ACYP1: variants seen among roughly 807,000 people sequenced by gnomAD.
ACYP1 encodes the protein acylphosphatase 1.
In ACYP1, 8 loss-of-function variants were observed where a neutral mutation model predicts 10.4. The ratio of observed to expected loss-of-function variants is 0.77; its 90% confidence interval spans 0.45 to 1.38. The LOEUF is 1.38. Among genes scored for constraint, ACYP1 ranks in the 40% most tolerant of loss-of-function variants. The probability of loss-of-function intolerance (pLI) is 0.00; values close to 1 mark genes in which losing one functional copy is unlikely to be tolerated. For synonymous variants in ACYP1, 38 were observed against 40.8 expected (o/e 0.93, Z 0.26); for missense variants, 93 against 117.3 (o/e 0.79, Z 0.96).
intron 2 of ACYP1, among the ~76,000 whole-genome samples, chr14:75,061,032 A>ACT (rs2139654981): frequency 6.6e-6 from 1 of 152,242 alleles, no homozygotes; most frequent in South Asian, 2.1e-4. Flanking sequence ...ACGCCACTGC[A>ACT]CTCCAGCCTG....
At chr14:75,068,163 C>T (rs928651382), upstream of ACYP1, among the ~76,000 whole-genome samples, 3 of 151,786 alleles carry the variant, frequency 2.0e-5, no homozygotes, top group Non-Finnish European at 2.9e-5. Flanking sequence ...TAGTGGCAGA[C>T]GCCTGTAATC....
chr14:75,064,891 A>G (rs552258826), upstream of ACYP1, among the ~76,000 whole-genome samples: 13 of 152,324 alleles, frequency 8.5e-5, no homozygotes, highest in Middle Eastern at 3.4e-3. Context: ...GGAGGTCCCA[A>G]TGGAGGTTAT....
upstream of ACYP1, among the ~76,000 whole-genome samples, chr14:75,065,016 A>C (rs1893118989): frequency 6.6e-6 from 1 of 152,234 alleles, no homozygotes; most frequent in African/African-American, 2.4e-5. Context: ...GCACAAGCAA[A>C]ATAACTCATG....
rs1362554012 is a variant in ACYP1 at position 75,069,230 on chromosome 14, C to A, written c.62G>T (p.Gly21Val). ...CATACCTGGGGCCCGCCCAGCGCAG[C>A]CGAGCGCGCGGAGAAAGGCCAGCAG... The change falls in exon 1 of 3, where the codon GGC becomes GTC. Residue 21 changes from glycine to valine, a missense_variant. Gly to Val is a moderately radical substitution (Grantham distance 109). Transcript: ENST00000555463. 7 of 1,504,058 alleles carry A rather than the reference C, an allele frequency of 4.7e-6. No homozygotes were observed. The African/African-American group carries it at 7.2e-5, about 16-fold the overall frequency. 93.2% of individuals were successfully genotyped at this position (1,504,058 alleles called of 1,614,324 possible). A position where few individuals can be genotyped will look rare whatever the true frequency, so the allele number is the denominator to read the frequency against.
intron 2 of ACYP1, chr14:75,060,021 T>C (rs1892979049): frequency 5.4e-6 from 2 of 368,248 alleles, no homozygotes; most frequent in South Asian, 8.6e-5. Context: ...TGAAAAGCGT[T>C]CTGTAGATAA....
chr14:75,069,256 C>T (rs1043160342), exon 1 of ACYP1: 2 of 1,477,290 alleles, frequency 1.4e-6, no homozygotes, highest in East Asian at 5.5e-5. Context: ...AGGCCAGCAG[C>T]AGCCCCGCTC....
chr14:75,062,674 AAAAAAAAG>A (rs1893056625), intron 2 of ACYP1, among the ~76,000 whole-genome samples: 1 of 151,682 alleles, frequency 6.6e-6, no homozygotes, highest in Non-Finnish European at 1.5e-5. Flanking sequence ...AAAAAAAAAA[AAAAAAAAG>A]AAGTTTTGCA....
intron 2 of ACYP1, chr14:75,060,315 G>T: frequency 1.6e-6 from 1 of 644,458 alleles, no homozygotes; most frequent in South Asian, 1.8e-5. Context: ...CCACTAGGAT[G>T]GCTAACATAA....
At chr14:75,061,076 T>TCAACAACAA (rs75596450) in intron 2 of ACYP1, among the ~76,000 whole-genome samples, 75 of 150,362 alleles carry the variant, frequency 5.0e-4, no homozygotes, top group African/African-American at 1.1e-3. Flanking sequence ...AGACTCTGTC[T>TCAACAACAA]CAACAACAAC....
chr14:75,056,379 T>G (rs967389155), intron 2 of ACYP1, among the ~76,000 whole-genome samples: 1 of 151,606 alleles, frequency 6.6e-6, no homozygotes, highest in Non-Finnish European at 1.5e-5. Context: ...TTCCTGGGAC[T>G]GTGGTACTTA....
intron 2 of ACYP1, among the ~76,000 whole-genome samples, chr14:75,057,986 AAAG>A (rs1156763006): frequency 4.1e-5 from 6 of 148,000 alleles, no homozygotes; most frequent in African/African-American, 5.0e-5. Flanking sequence ...AAAAAAAAAA[AAAG>A]AACTACCTGC....
At position 75,053,245 on chromosome 14, in the gene ACYP1, AG is replaced by A. The variant is rs2139641425; in HGVS notation, c.*198del. 1.7e-6 allele frequency: 1 copy of A among 576,274 alleles called. No individual in the cohort carries two copies. The highest frequency in any genetic ancestry group is 2.1e-5 in the South Asian group (1 of 46,798). 35.7% of individuals were successfully genotyped at this position (576,274 alleles called of 1,614,324 possible). A position where few individuals can be genotyped will look rare whatever the true frequency, so the allele number is the denominator to read the frequency against. On this transcript the variant is annotated 3_prime_UTR_variant, in exon 3 of 3. Coordinates refer to ENST00000238618, the MANE Select transcript of ACYP1 (RefSeq NM_001107.5). ...ATTTTTTAAAAGTACTCTAAGCAGAAGGTTCTAACGTTTTTATTGATTAGAT... is the reference window on the plus strand; with the variant it reads ...ATTTTTTAAAAGTACTCTAAGCAGAAGTTCTAACGTTTTTATTGATTAGAT...
chr14:75,061,015 C>T (rs1893001133), intron 2 of ACYP1, among the ~76,000 whole-genome samples: 1 of 151,926 alleles, frequency 6.6e-6, no homozygotes, highest in African/African-American at 2.4e-5. Context: ...TGCAGTGAGC[C>T]GAGATCACGC....
rs751558712 is a variant in ACYP1, at chr14:75,053,674, A to AAG, written c.85-17_85-16dup. ...TTACCCTCAGCCTAAGGGGGGTAAA[A>AAG]AGAGAGAGAGATCCAGTGAGATTGA... is the stretch of plus-strand genomic sequence containing the variant. On this transcript the variant is annotated splice_polypyrimidine_tract_variant and intron_variant, in intron 2 of 2. Transcript: ENST00000238618. 3.1e-5 allele frequency: 50 copies of AAG among 1,609,172 alleles called. No homozygotes were observed. The highest frequency in any genetic ancestry group is 1.5e-4 in the Admixed American group (9 of 59,940).
At chr14:75,056,647 A>G (rs1195679691) in intron 2 of ACYP1, among the ~76,000 whole-genome samples, 1 of 151,468 alleles carries the variant, frequency 6.6e-6, no homozygotes, top group Non-Finnish European at 1.5e-5. Context: ...ATACTAGCAA[A>G]CCAAATCAGG....
At chr14:75,059,957 A>C in intron 2 of ACYP1, 3 of 262,064 alleles carry the variant, frequency 1.1e-5, no homozygotes, top group Non-Finnish European at 1.4e-5. Flanking sequence ...GCATGGGGGA[A>C]GGAGAAAATG....
At chr14:75,069,223 A>G in exon 1 of ACYP1, 2 of 1,509,700 alleles carry the variant, frequency 1.3e-6, no homozygotes, top group Non-Finnish European at 1.8e-6. Context: ...GGGCCCGCCC[A>G]GCGCAGCCGA....
chr14:75,068,425 A>AGAACTCAATG (rs1208860271), upstream of ACYP1, among the ~76,000 whole-genome samples: 2 of 152,208 alleles, frequency 1.3e-5, no homozygotes, highest in African/African-American at 4.8e-5. Context: ...CTAATTCAAG[A>AGAACTCAATG]GAACTCAATG....
At chr14:75,065,336 T>C (rs1316647099), upstream of ACYP1, among the ~76,000 whole-genome samples, 1 of 152,230 alleles carries the variant, frequency 6.6e-6, no homozygotes, top group East Asian at 1.9e-4. Flanking sequence ...GCACGGAAAT[T>C]CATCATTCTG....
Sources: allele counts gnomAD v4.1 joint callset (sites outside exome capture counted in the v4.1 genomes callset), GRCh38; gene constraint gnomAD v4.1.1; transcripts MANE v1.5; gene names NCBI Gene and HGNC (gene_info 2026-07-23, HGNC 2026-07-21).